Variants in ENOX1 observed in about 807,000 individuals in gnomAD.
ENOX1 encodes candidate growth-related and time keeping constitutive hydroquinone (NADH) oxidase.
A neutral mutation model predicts 82.5 loss-of-function variants in ENOX1; 42 were observed. That is an observed-to-expected ratio of 0.51 (90% CI 0.40 to 0.66). ENOX1 has a LOEUF of 0.66. Ranked by LOEUF, ENOX1 falls within the 30% of genes least tolerant of loss-of-function variation. The probability of loss-of-function intolerance (pLI) is 0.00; values close to 1 mark genes in which losing one functional copy is unlikely to be tolerated. For synonymous variants in ENOX1, 271 were observed against 282.2 expected (o/e 0.96, Z 0.40); for missense variants, 608 against 811.6 (o/e 0.75, Z 3.05).
chr13:43,250,317 C>A (rs1000648414), intron 14 of ENOX1, among the ~76,000 whole-genome samples: 5 of 152,196 alleles, frequency 3.3e-5, no homozygotes, highest in Admixed American at 6.5e-5. Context: ...TACTGAGAAG[C>A]CTGCAGTCAG....
At chr13:43,731,112 G>T (rs1283761357) in intron 1 of ENOX1, among the ~76,000 whole-genome samples, 1 of 152,224 alleles carries the variant, frequency 6.6e-6, no homozygotes, top group Admixed American at 6.5e-5. Flanking sequence ...GTAATGACAA[G>T]CACAGACCCA....
intron 2 of ENOX1, among the ~76,000 whole-genome samples, chr13:43,569,615 C>T (rs1369287904): frequency 6.6e-6 from 1 of 151,788 alleles, no homozygotes; most frequent in Non-Finnish European, 1.5e-5. Flanking sequence ...ACAACTCATC[C>T]TTTATTAGAA....
At chr13:43,654,635 AC>A (rs2084346904) in intron 2 of ENOX1, among the ~76,000 whole-genome samples, 1 of 152,246 alleles carries the variant, frequency 6.6e-6, no homozygotes, top group African/African-American at 2.4e-5. Flanking sequence ...TGCAGAATTT[AC>A]TGGAAGATTT....
chr13:43,447,526 T>C (rs534900275), intron 3 of ENOX1, among the ~76,000 whole-genome samples: 118 of 152,136 alleles, frequency 7.8e-4, no homozygotes, highest in South Asian at 2.3e-3. Context: ...CTGACTTACA[T>C]TCCCTGTCTA....
intron 5 of ENOX1, among the ~76,000 whole-genome samples, chr13:43,399,434 G>A (rs889289105): frequency 2.6e-5 from 4 of 152,158 alleles, no homozygotes; most frequent in Admixed American, 2.0e-4. Context: ...GAGATGTCAG[G>A]ACAAGGGGAT....
intron 5 of ENOX1, among the ~76,000 whole-genome samples, chr13:43,372,392 T>A (rs2051301058): frequency 6.6e-6 from 1 of 152,238 alleles, no homozygotes; most frequent in Admixed American, 6.5e-5. Flanking sequence ...GCAGACCTCA[T>A]GCTTCCCTTC....
At chr13:43,658,552 TATTTAA>T (rs1474600528) in intron 2 of ENOX1, among the ~76,000 whole-genome samples, 1 of 152,238 alleles carries the variant, frequency 6.6e-6, no homozygotes, top group Non-Finnish European at 1.5e-5. Flanking sequence ...ATCATTGTTA[TATTTAA>T]TTTGCGTTAG....
chr13:43,728,504 T>C (rs2089131519), intron 1 of ENOX1, among the ~76,000 whole-genome samples: 2 of 152,180 alleles, frequency 1.3e-5, no homozygotes, highest in South Asian at 4.1e-4. Context: ...CCCTATCCCC[T>C]CAGTGAACAT....
intron 1 of ENOX1, among the ~76,000 whole-genome samples, chr13:43,706,108 A>G (rs1039797973): frequency 1.3e-5 from 2 of 152,022 alleles, no homozygotes; most frequent in African/African-American, 4.8e-5. Context: ...CTAAATAATA[A>G]TAACATATAA....
Position 43,515,072 on chromosome 13 carries a change from A to C in ENOX1, c.-218-30920T>G, listed in dbSNP as rs140249940. On this transcript the variant is annotated intron_variant, in intron 2 of 16. Coordinates refer to ENST00000690772, the MANE Select transcript of ENOX1 (RefSeq NM_001347969.2). Reference sequence around the variant, plus strand: ...AATGCAACAATATTAACCCCACAGAAAGAAATGGATGCTCAGAGCATTAAC... The same window carrying C: ...AATGCAACAATATTAACCCCACAGACAGAAATGGATGCTCAGAGCATTAAC... 2.7e-3 allele frequency among the ~76,000 whole-genome samples: 404 copies of C among 152,244 alleles called. 3 individuals are homozygous for C. The highest frequency in any genetic ancestry group is 9.1e-3 in the African/African-American group (377 of 41,544).
At chr13:43,297,424 CT>C (rs142123582) in intron 12 of ENOX1, among the ~76,000 whole-genome samples, 10,810 of 149,234 alleles carry the variant, frequency 0.072, 492 homozygotes, top group Non-Finnish European at 0.1. Flanking sequence ...TAAAAACAAT[CT>C]TTTTTTTTTC....
At chr13:43,764,691 C>T (rs1381585408) in intron 1 of ENOX1, among the ~76,000 whole-genome samples, 2 of 151,922 alleles carry the variant, frequency 1.3e-5, no homozygotes, top group South Asian at 2.1e-4. Context: ...CTAACAAAAA[C>T]GCCTGCTTTC....
At chr13:43,776,022 T>C (rs944089438) in intron 1 of ENOX1, among the ~76,000 whole-genome samples, 1 of 152,204 alleles carries the variant, frequency 6.6e-6, no homozygotes, top group Non-Finnish European at 1.5e-5. Flanking sequence ...TAACCACATA[T>C]ACTTCCGGAG....
intron 16 of ENOX1, among the ~76,000 whole-genome samples, chr13:43,218,553 G>A (rs913410210): frequency 7.9e-5 from 12 of 152,164 alleles, no homozygotes; most frequent in Admixed American, 7.2e-4. Context: ...TTGAGCACAG[G>A]GGTTGGAGCC....
chr13:43,569,526 GATAAA>G (rs2080077777), intron 2 of ENOX1, among the ~76,000 whole-genome samples: 1 of 152,156 alleles, frequency 6.6e-6, no homozygotes, highest in Non-Finnish European at 1.5e-5. Flanking sequence ...CACAGATTAA[GATAAA>G]AGAGACTCCC....
chr13:43,786,640 G>A lies in ENOX1; in HGVS notation c.-285+12C>T, dbSNP rs1013823389. 6.6e-6 allele frequency: 1 copy of A among 152,038 alleles called. No homozygotes were observed. Among genetic ancestry groups the A allele is most frequent in the Non-Finnish European group, 1.5e-5 (1 of 68,028 alleles). The allele number at this position is 152,038 out of a possible 1,614,324, so 9.4% of individuals were successfully genotyped here. A position where few individuals can be genotyped will look rare whatever the true frequency, so the allele number is the denominator to read the frequency against. ...ACGCCCCAGGGAGGCTGCGGGCCCC[G>A]GAGCTGCTTACCTGGGGCCGCCGTA... On this transcript the variant is annotated intron_variant, in intron 1 of 16. Coordinates refer to ENST00000690772, the MANE Select transcript of ENOX1 (RefSeq NM_001347969.2). This position sits in a 1 kb window ranked among gnomAD's most constrained non-coding sequence, Gnocchi z 6.0.
intron 9 of ENOX1, among the ~76,000 whole-genome samples, chr13:43,334,832 T>C (rs983252450): frequency 1.9e-4 from 29 of 152,170 alleles, no homozygotes; most frequent in Admixed American, 1.0e-3. Flanking sequence ...CTACTTTTTT[T>C]GAAATAAAAG....
At chr13:43,218,985 T>C (rs1452632468) in intron 16 of ENOX1, among the ~76,000 whole-genome samples, 2 of 152,174 alleles carry the variant, frequency 1.3e-5, no homozygotes, top group Non-Finnish European at 2.9e-5. Context: ...ACATTCTTTG[T>C]CTAGAGAATT....
intron 16 of ENOX1, among the ~76,000 whole-genome samples, chr13:43,216,436 G>GA (rs2041488972): frequency 6.6e-6 from 1 of 152,216 alleles, no homozygotes; most frequent in East Asian, 1.9e-4. Context: ...AATATTGATA[G>GA]AAAATGACAC....
Sources: allele counts gnomAD v4.1 joint callset (sites outside exome capture counted in the v4.1 genomes callset), GRCh38; gene constraint gnomAD v4.1.1; non-coding constraint Gnocchi (gnomAD v3.1); transcripts MANE v1.5; gene names NCBI Gene and HGNC (gene_info 2026-07-23, HGNC 2026-07-21).